Variants in PTPRD observed in about 807,000 individuals in gnomAD.
PTPRD encodes receptor-type tyrosine-protein phosphatase delta.
Under a neutral mutation model 214.5 loss-of-function variants are expected in PTPRD, and 34 were observed. The observed-to-expected ratio is 0.16, with a 90% CI of 0.12 to 0.21. PTPRD has a LOEUF of 0.21. Among genes scored for constraint, PTPRD ranks in the 10% least tolerant of loss-of-function variants. The pLI, the probability that PTPRD is intolerant of heterozygous loss-of-function variation, is 1.00. For synonymous variants in PTPRD, 1,128 were observed against 845.7 expected, an observed-to-expected ratio of 1.33 and a Z score of -5.79; for missense variants, 2,545 against 2,398.7, an observed-to-expected ratio of 1.06 and a Z score of -1.27.
intron 5 of PTPRD, among the ~76,000 whole-genome samples, chr9:9,858,182 A>G (rs888987858): frequency 1.3e-5 from 2 of 152,240 alleles, no homozygotes; most frequent in African/African-American, 2.4e-5. Flanking sequence ...AATCTTTTTC[A>G]TCATTAAAAT....
chr9:10,169,692 A>G (rs1301162080), intron 3 of PTPRD, among the ~76,000 whole-genome samples: 1 of 152,142 alleles, frequency 6.6e-6, no homozygotes, highest in Admixed American at 6.5e-5. Context: ...AACTTCTTCT[A>G]TAGCTGCAGG....
intron 9 of PTPRD, among the ~76,000 whole-genome samples, chr9:9,384,641 C>G (rs183589387): frequency 6.6e-6 from 1 of 151,682 alleles, no homozygotes. Context: ...TGCTTTCTTA[C>G]CCTGGTTGTT....
In PTPRD at chr9:8,507,305, T is replaced by G; in HGVS notation, c.1673A>C (p.Glu558Ala). The G allele has an allele frequency of 6.2e-7, 1 of 1,613,818 alleles. No homozygotes were observed. The highest frequency in any genetic ancestry group is 1.1e-5 in the South Asian group (1 of 91,066). The change falls in exon 22 of 46, where the codon GAG becomes GCG. Residue 558 changes from glutamate (E) to alanine (A), a missense_variant. By Grantham distance (107) the Glu-to-Ala change is moderately radical. Transcript: ENST00000381196. ...ELVYKDGEHG[E>A]EQRITIEPGT... Reference sequence around the variant, plus strand: ...TGAGAAGCACTATAGTCTTACCTCCTCTCCATGCTCCCCATCTTTGTAGAC... The same window carrying G: ...TGAGAAGCACTATAGTCTTACCTCCGCTCCATGCTCCCCATCTTTGTAGAC...
chr9:8,993,861 A>G (rs1404114346), intron 11 of PTPRD, among the ~76,000 whole-genome samples: 2 of 152,118 alleles, frequency 1.3e-5, no homozygotes, highest in Admixed American at 1.3e-4. Flanking sequence ...CATTTATAAA[A>G]CCTAGCAGGA....
chr9:8,927,365 C>T (rs745323401), intron 11 of PTPRD, among the ~76,000 whole-genome samples: 22 of 151,976 alleles, frequency 1.4e-4, no homozygotes, highest in Non-Finnish European at 2.9e-4. Context: ...AATGCTATTC[C>T]CCAACATGAC....
chr9:9,802,474 G>C (rs896719603), intron 5 of PTPRD, among the ~76,000 whole-genome samples: 2 of 151,730 alleles, frequency 1.3e-5, no homozygotes, highest in Non-Finnish European at 1.5e-5. Context: ...TTAAACTCCA[G>C]GTTCAAAATA....
chr9:9,736,960 A>G (rs372207395), intron 6 of PTPRD, among the ~76,000 whole-genome samples: 7 of 152,072 alleles, frequency 4.6e-5, no homozygotes, highest in African/African-American at 1.7e-4. Context: ...AATCATCTTT[A>G]CTTATGTGTC....
At chr9:9,201,489 C>A (rs1438960407) in intron 9 of PTPRD, among the ~76,000 whole-genome samples, 2 of 151,842 alleles carry the variant, frequency 1.3e-5, no homozygotes, top group Non-Finnish European at 1.5e-5. Flanking sequence ...ACTAGTATGT[C>A]TTTAATAAGG....
intron 9 of PTPRD, among the ~76,000 whole-genome samples, chr9:9,304,429 C>T (rs1371670656): frequency 1.3e-5 from 2 of 152,092 alleles, no homozygotes; most frequent in East Asian, 1.9e-4. Context: ...TGTGCATTTG[C>T]AACTTTTATT....
intron 2 of PTPRD, among the ~76,000 whole-genome samples, chr9:10,528,844 C>T (rs912125977): frequency 1.3e-5 from 2 of 152,018 alleles, no homozygotes; most frequent in African/African-American, 4.8e-5. Flanking sequence ...GTTATATATT[C>T]ATATTAGTTA....
intron 2 of PTPRD, among the ~76,000 whole-genome samples, chr9:10,401,578 T>A (rs1183183549): frequency 6.7e-6 from 1 of 149,386 alleles, no homozygotes; most frequent in Non-Finnish European, 1.5e-5. Flanking sequence ...AAATTATATA[T>A]ATAAACAGGT....
chr9:9,493,295 C>A (rs2096005076), intron 8 of PTPRD, among the ~76,000 whole-genome samples: 2 of 151,988 alleles, frequency 1.3e-5, no homozygotes, highest in Admixed American at 6.6e-5. Context: ...ATTTTTAAAG[C>A]CCATTGTGGA....
intron 3 of PTPRD, among the ~76,000 whole-genome samples, chr9:10,208,293 T>C (rs568957808): frequency 6.6e-6 from 1 of 152,296 alleles, no homozygotes; most frequent in East Asian, 1.9e-4. Flanking sequence ...GGAGGGCGGA[T>C]CACGAGGTCA....
chr9:9,374,487 GT>G (rs1186177115), intron 9 of PTPRD, among the ~76,000 whole-genome samples: 1 of 152,056 alleles, frequency 6.6e-6, no homozygotes, highest in Non-Finnish European at 1.5e-5. Context: ...ATAACATAAA[GT>G]AAAAGCATAT....
chr9:10,186,776 G>A (rs1415123703), intron 3 of PTPRD, among the ~76,000 whole-genome samples: 1 of 152,030 alleles, frequency 6.6e-6, no homozygotes, highest in Non-Finnish European at 1.5e-5. Context: ...ACAAGATACA[G>A]AAAACTGAGT....
chr9:9,980,631 A>C (rs1353671848), intron 4 of PTPRD, among the ~76,000 whole-genome samples: 5 of 51,670 alleles, frequency 9.7e-5, no homozygotes, highest in East Asian at 6.2e-4. Context: ...AAAAAAAAAA[A>C]AAACAAAAAA....
chr9:10,577,988 T>G (rs1273775814), intron 2 of PTPRD, among the ~76,000 whole-genome samples: 1 of 151,512 alleles, frequency 6.6e-6, no homozygotes, highest in African/African-American at 2.4e-5. Flanking sequence ...CTCGGCTCAC[T>G]GCAACCTCCG....
chr9:8,958,351 T>A (rs1348264734), intron 11 of PTPRD, among the ~76,000 whole-genome samples: 2 of 151,944 alleles, frequency 1.3e-5, no homozygotes, highest in African/African-American at 4.8e-5. Context: ...CTAGAATGAA[T>A]TTAGATTTTG....
intron 9 of PTPRD, among the ~76,000 whole-genome samples, chr9:9,187,848 A>G (rs1308368830): frequency 3.3e-5 from 5 of 151,738 alleles, no homozygotes; most frequent in African/African-American, 1.2e-4. Flanking sequence ...TCCATGTGAC[A>G]CCATTATAAG....
Sources: allele counts gnomAD v4.1 joint callset (sites outside exome capture counted in the v4.1 genomes callset), GRCh38; gene constraint gnomAD v4.1.1; transcripts MANE v1.5; gene names NCBI Gene and HGNC (gene_info 2026-07-23, HGNC 2026-07-21).